The following GAS7 variants were observed in gnomAD, a reference collection of about 807,000 sequenced individuals.
GAS7 encodes growth arrest-specific protein 7.
In GAS7, 28 loss-of-function variants were observed where a neutral mutation model predicts 71.1. The ratio of observed to expected loss-of-function variants is 0.39; its 90% confidence interval spans 0.29 to 0.54. The LOEUF (loss-of-function observed/expected upper bound fraction) is 0.54. Ranked by LOEUF, GAS7 falls within the 20% of genes least tolerant of loss-of-function variation. The probability of loss-of-function intolerance (pLI) is 0.62; values close to 1 mark genes in which losing one functional copy is unlikely to be tolerated. For synonymous variants in GAS7, 258 were observed against 245.8 expected, an observed-to-expected ratio of 1.05 and a Z score of -0.46; for missense variants, 436 against 627.8, an observed-to-expected ratio of 0.69 and a Z score of 3.27.
At chr17:10,016,161 G>A (rs1187471922) in intron 2 of GAS7, among the ~76,000 whole-genome samples, 1 of 151,956 alleles carries the variant, frequency 6.6e-6, no homozygotes, top group African/African-American at 2.4e-5. Flanking sequence ...CGAGGCAGGC[G>A]GATCACAAGG....
At chr17:10,144,768 G>A (rs1195839676) in intron 1 of GAS7, among the ~76,000 whole-genome samples, 1 of 152,068 alleles carries the variant, frequency 6.6e-6, no homozygotes, top group East Asian at 1.9e-4. Context: ...GGCTGTTCTT[G>A]AACTCCTGGG....
chr17:9,963,155 G>A (rs571308386), intron 4 of GAS7, among the ~76,000 whole-genome samples: 1 of 152,182 alleles, frequency 6.6e-6, no homozygotes, highest in East Asian at 1.9e-4. Flanking sequence ...GTCATAAAAA[G>A]GAATGGAGTG....
At chr17:10,181,100 G>A (rs901824601) in intron 1 of GAS7, among the ~76,000 whole-genome samples, 39 of 149,726 alleles carry the variant, frequency 2.6e-4, no homozygotes, top group East Asian at 2.2e-3. Context: ...GGTGGCTCAC[G>A]CCTGTAATCC....
intron 1 of GAS7, among the ~76,000 whole-genome samples, chr17:10,137,096 C>T (rs1228438767): frequency 1.1e-4 from 17 of 148,744 alleles, no homozygotes; most frequent in Non-Finnish European, 1.8e-4. Context: ...CCTGGGCAAC[C>T]GAGCGAGACC....
intron 1 of GAS7, among the ~76,000 whole-genome samples, chr17:10,041,075 T>C (rs1473877001): frequency 1.3e-5 from 2 of 151,442 alleles, no homozygotes; most frequent in Admixed American, 1.3e-4. Context: ...GACAGGAGAA[T>C]TGCTTGAACT....
At chr17:10,126,376 C>CCA (rs887482842) in intron 1 of GAS7, among the ~76,000 whole-genome samples, 2 of 49,578 alleles carry the variant, frequency 4.0e-5, no homozygotes, top group Non-Finnish European at 6.7e-5. Flanking sequence ...GCACACACAC[C>CCA]CACACACTCA....
chr17:10,030,410 G>A (rs570153312), intron 1 of GAS7, among the ~76,000 whole-genome samples: 3 of 152,332 alleles, frequency 2.0e-5, no homozygotes, highest in South Asian at 2.1e-4. Flanking sequence ...AAGAGCATGC[G>A]GCTAATTTCG....
chr17:10,009,834 C>T (rs1193029605), intron 2 of GAS7, among the ~76,000 whole-genome samples: 1 of 151,906 alleles, frequency 6.6e-6, no homozygotes, highest in East Asian at 1.9e-4. Context: ...AATAAAAAAG[C>T]TTAAAAACAA....
At position 9,914,338 on chromosome 17, in the gene GAS7, TG is replaced by T. The variant is rs2152060821; in HGVS notation, c.*2889del. ...GCCTCCCAGGTTCAAGCGATTCTAC[TG>T]CCTCAGCCTGCCGAATAGTTGGGAC... is the stretch of plus-strand genomic sequence containing the variant. On this transcript the variant is annotated 3_prime_UTR_variant, in exon 14 of 14. Coordinates refer to ENST00000432992, the MANE Select transcript of GAS7 (RefSeq NM_201433.2). 1 of 183,752 alleles carries T rather than the reference TG, an allele frequency of 5.4e-6. No homozygotes were observed. Among genetic ancestry groups the T allele is most frequent in the Admixed American group, 6.2e-5 (1 of 16,016 alleles). The allele number at this position is 183,752 out of a possible 1,614,324, so 11.4% of individuals were successfully genotyped here.
intron 2 of GAS7, 151 bp downstream of exon 2, chr17:10,019,626 G>T: frequency 1.4e-6 from 1 of 700,998 alleles, no homozygotes. Context: ...AGCACAGTGG[G>T]AGGAGTAAGA....
Position 9,919,514 on chromosome 17 carries a change from G to T in GAS7, c.1218+112C>A. ...ACCCCAACACTGAAGTAGATTTGAT[G>T]ACCATCTCCAGGGTCACTCCACCCC... is the stretch of plus-strand genomic sequence containing the variant. On this transcript the variant is annotated intron_variant, in intron 12 of 13. Coordinates refer to ENST00000432992, the MANE Select transcript of GAS7 (RefSeq NM_201433.2). The surrounding 1 kb of genome is among the most constrained non-coding windows in gnomAD (Gnocchi z 5.0). 2 of 804,444 alleles carry T rather than the reference G, an allele frequency of 2.5e-6. No homozygotes were observed. The highest frequency in any genetic ancestry group is 2.7e-5 in the South Asian group (2 of 73,690). 49.8% of individuals were successfully genotyped at this position (804,444 alleles called of 1,614,324 possible).
rs112132547 is a variant in GAS7, at chr17:10,180,292, G to A, written c.183+17916C>T. Among the ~76,000 whole-genome samples the A allele has an allele frequency of 3.4e-3, 454 of 135,078 alleles. 1 individual carries two copies. The highest frequency in any genetic ancestry group is 5.5e-3 in the Non-Finnish European group (364 of 65,728). 88.6% of individuals were successfully genotyped at this position (135,078 alleles called of 152,430 possible). On this transcript the variant is annotated intron_variant, in intron 1 of 13. Coordinates refer to ENST00000432992, the MANE Select transcript of GAS7 (RefSeq NM_201433.2). Reference sequence around the variant, plus strand: ...AGAGGCGGAGGTTGCAGTGAGCCAAGACCACTCCAGCCTGGAGGGACAGAG... The same window carrying A: ...AGAGGCGGAGGTTGCAGTGAGCCAAAACCACTCCAGCCTGGAGGGACAGAG...
chr17:10,145,944 C>T (rs1158596903), intron 1 of GAS7, among the ~76,000 whole-genome samples: 1 of 152,162 alleles, frequency 6.6e-6, no homozygotes, highest in Non-Finnish European at 1.5e-5. Context: ...CCAGGATCTT[C>T]GTGGGAGGGT....
chr17:9,963,724 C>T (rs920769915), intron 4 of GAS7, among the ~76,000 whole-genome samples: 1 of 151,810 alleles, frequency 6.6e-6, no homozygotes, highest in Non-Finnish European at 1.5e-5. Flanking sequence ...AGAACAAGAC[C>T]CCATCTCTCT....
intron 1 of GAS7, among the ~76,000 whole-genome samples, chr17:10,126,254 G>A (rs2073945495): frequency 6.6e-6 from 1 of 152,078 alleles, no homozygotes; most frequent in Admixed American, 6.6e-5. Flanking sequence ...GAGTTCTCAG[G>A]GAAGAAACCC....
intron 1 of GAS7, among the ~76,000 whole-genome samples, chr17:10,144,692 C>T (rs2074108553): frequency 6.6e-6 from 1 of 151,934 alleles, no homozygotes; most frequent in South Asian, 2.1e-4. Flanking sequence ...CACAGGCATG[C>T]ACCAGCATGC....
intron 3 of GAS7, among the ~76,000 whole-genome samples, chr17:9,980,662 C>T (rs756657678): frequency 1.1e-4 from 17 of 152,156 alleles, no homozygotes; most frequent in African/African-American, 2.9e-4. Context: ...TAGTTCAACA[C>T]GGAAGCCAGG....
chr17:9,951,362 G>A (rs1567813491), intron 5 of GAS7, among the ~76,000 whole-genome samples: 1 of 152,238 alleles, frequency 6.6e-6, no homozygotes, highest in Non-Finnish European at 1.5e-5. Context: ...TGCTTCTGGA[G>A]TGGCCTGCCC....
intron 2 of GAS7, among the ~76,000 whole-genome samples, chr17:9,998,229 G>C (rs1475676875): frequency 2.0e-5 from 3 of 152,222 alleles, no homozygotes; most frequent in African/African-American, 7.2e-5. Flanking sequence ...CAAGGTTTAT[G>C]CCAGGGAGCT....
Sources: allele counts gnomAD v4.1 joint callset (sites outside exome capture counted in the v4.1 genomes callset), GRCh38; gene constraint gnomAD v4.1.1; non-coding constraint Gnocchi (gnomAD v3.1); transcripts MANE v1.5; gene names NCBI Gene and HGNC (gene_info 2026-07-23, HGNC 2026-07-21).